PLCB4: variants seen among roughly 807,000 people sequenced by gnomAD.
PLCB4 encodes the protein phospholipase C beta 4.
Under a neutral mutation model 178.8 loss-of-function variants are expected in PLCB4, and 77 were observed. That is an observed-to-expected ratio of 0.43 (90% CI 0.36 to 0.52). PLCB4 has a LOEUF of 0.52. PLCB4 is among the 20% of genes least tolerant of loss of function. The probability of loss-of-function intolerance (pLI) is 0.00; values close to 1 mark genes in which losing one functional copy is unlikely to be tolerated. For synonymous variants in PLCB4, 496 were observed against 490.8 expected, an observed-to-expected ratio of 1.01 and a Z score of -0.14; for missense variants, 1,024 against 1,453.4, an observed-to-expected ratio of 0.70 and a Z score of 4.80.
At chr20:9,443,659 C>T (rs1169440006) in intron 30 of PLCB4, among the ~76,000 whole-genome samples, 2 of 152,172 alleles carry the variant, frequency 1.3e-5, no homozygotes, top group Non-Finnish European at 2.9e-5. Flanking sequence ...ACTGGAAACA[C>T]ACCCTACCTT....
chr20:9,254,561 G>A (rs1389831691), intron 3 of PLCB4, among the ~76,000 whole-genome samples: 2 of 152,096 alleles, frequency 1.3e-5, no homozygotes, highest in Admixed American at 1.3e-4. Context: ...AGCCAGGCTT[G>A]GTGTTGCATG....
chr20:9,328,084 T>G (rs2148006067), intron 4 of PLCB4, among the ~76,000 whole-genome samples: 1 of 152,134 alleles, frequency 6.6e-6, no homozygotes, highest in Admixed American at 6.5e-5. Flanking sequence ...CCAGATAAAA[T>G]AACGGAAGAG....
rs2032860650 is a variant in PLCB4, at chr20:9,339,057, C to T, written c.369+20C>T. 6.3e-7 allele frequency: 1 copy of T among 1,597,176 alleles called. No homozygotes were observed. The highest frequency in any genetic ancestry group is 1.7e-5 in the Admixed American group (1 of 59,196). ...ACTAAGGTAGCTTCAGTTAAATGGC[C>T]TCCTTCTCTTCCCCACCATGTATAT... On this transcript the variant is annotated intron_variant, in intron 7 of 39. Transcript: ENST00000378473.
rs116690056 is a variant in PLCB4, at chr20:9,334,721, T to C, written c.85-2405T>C. On this transcript the variant is annotated intron_variant, in intron 4 of 39. Coordinates refer to ENST00000378473, the MANE Select transcript of PLCB4 (RefSeq NM_001377142.1). ...GATGGAAGTAAAAGGAGGAGGGAACTGGTGCGTAGTGAGAGATTGGCAGGG... is the reference window on the plus strand; with the variant it reads ...GATGGAAGTAAAAGGAGGAGGGAACCGGTGCGTAGTGAGAGATTGGCAGGG... 5.3e-3 allele frequency among the ~76,000 whole-genome samples: 809 copies of C among 152,154 alleles called. 5 individuals carry two copies. The highest frequency in any genetic ancestry group is 0.018 in the African/African-American group (730 of 41,518).
chr20:9,398,562 C>A (rs2038782390), intron 19 of PLCB4, among the ~76,000 whole-genome samples: 1 of 151,970 alleles, frequency 6.6e-6, no homozygotes, highest in Non-Finnish European at 1.5e-5. Flanking sequence ...AAACAAACTG[C>A]AGAAATAATG....
intron 21 of PLCB4, among the ~76,000 whole-genome samples, chr20:9,406,276 T>C (rs1602435304): frequency 6.6e-6 from 1 of 152,300 alleles, no homozygotes; most frequent in East Asian, 1.9e-4. Context: ...CTCATAGCAC[T>C]GGTGGTATTT....
intron 3 of PLCB4, among the ~76,000 whole-genome samples, chr20:9,300,796 C>A (rs982369137): frequency 1.3e-5 from 2 of 152,090 alleles, no homozygotes; most frequent in African/African-American, 4.8e-5. Context: ...TATTTGGCAA[C>A]TTTTTAGTTC....
At chr20:9,296,759 C>CA (rs993955540) in intron 3 of PLCB4, among the ~76,000 whole-genome samples, 47 of 150,394 alleles carry the variant, frequency 3.1e-4, no homozygotes, top group Non-Finnish European at 5.6e-4. Flanking sequence ...ATTGCAAGGA[C>CA]AAAAAACCAA....
At chr20:9,446,044 TAGC>T (rs1460607559) in intron 32 of PLCB4, among the ~76,000 whole-genome samples, 6 of 152,334 alleles carry the variant, frequency 3.9e-5, no homozygotes, top group Non-Finnish European at 5.9e-5. Flanking sequence ...GTGGTAATAA[TAGC>T]AGCAATAATA....
chr20:9,413,795 C>G (rs1397709672), intron 25 of PLCB4, among the ~76,000 whole-genome samples: 1 of 152,248 alleles, frequency 6.6e-6, no homozygotes, highest in East Asian at 1.9e-4. Context: ...GGGTTTCGCT[C>G]TGTCACCCAG....
At chr20:9,141,405 AAGTT>A (rs1327196723) in intron 2 of PLCB4, among the ~76,000 whole-genome samples, 2 of 152,252 alleles carry the variant, frequency 1.3e-5, no homozygotes, top group Middle Eastern at 3.4e-3. Context: ...TCTAAAAAGA[AAGTT>A]AGTAAGTTAG....
chr20:9,330,906 T>C (rs1568599379), intron 4 of PLCB4, among the ~76,000 whole-genome samples: 1 of 152,146 alleles, frequency 6.6e-6, no homozygotes. Flanking sequence ...AGCCCTAAAA[T>C]TGTAGCTATT....
chr20:9,252,892 C>T (rs1159061686), intron 3 of PLCB4, among the ~76,000 whole-genome samples: 5 of 152,256 alleles, frequency 3.3e-5, no homozygotes, highest in East Asian at 3.9e-4. Context: ...TGGCTTCCCT[C>T]GTTTTTAGGC....
intron 10 of PLCB4, among the ~76,000 whole-genome samples, chr20:9,372,005 A>T (rs1339873448): frequency 6.6e-6 from 1 of 152,188 alleles, no homozygotes; most frequent in Non-Finnish European, 1.5e-5. Context: ...GGTGAGTTGG[A>T]GGAAATATTT....
chr20:9,381,747 C>T (rs1042437254), intron 13 of PLCB4, among the ~76,000 whole-genome samples: 1 of 152,162 alleles, frequency 6.6e-6, no homozygotes, highest in Non-Finnish European at 1.5e-5. Flanking sequence ...TACATTGGTA[C>T]AACCATCTTG....
At chr20:9,381,518 A>C (rs1349326221) in intron 13 of PLCB4, among the ~76,000 whole-genome samples, 2 of 152,336 alleles carry the variant, frequency 1.3e-5, no homozygotes, top group East Asian at 3.9e-4. Context: ...CAAGTGATTC[A>C]ACAATTCCTT....
At chr20:9,370,605 TG>T (rs1489053874) in intron 9 of PLCB4, among the ~76,000 whole-genome samples, 1 of 152,116 alleles carries the variant, frequency 6.6e-6, no homozygotes, top group Non-Finnish European at 1.5e-5. Flanking sequence ...TCATTGTTTT[TG>T]TCCAAAAATG....
At chr20:9,088,080 A>G (rs2090513680) in intron 1 of PLCB4, among the ~76,000 whole-genome samples, 1 of 152,090 alleles carries the variant, frequency 6.6e-6, no homozygotes, top group Non-Finnish European at 1.5e-5. Context: ...TGCACAAGCC[A>G]TGGTTTCTGC....
intron 13 of PLCB4, among the ~76,000 whole-genome samples, chr20:9,381,556 G>A (rs2037144155): frequency 6.6e-6 from 1 of 152,218 alleles, no homozygotes; most frequent in Admixed American, 6.5e-5. Flanking sequence ...CATGATTGAG[G>A]TGTGTCCTTG....
Sources: allele counts gnomAD v4.1 joint callset (sites outside exome capture counted in the v4.1 genomes callset), GRCh38; gene constraint gnomAD v4.1.1; transcripts MANE v1.5; gene names NCBI Gene and HGNC (gene_info 2026-07-23, HGNC 2026-07-21).